INPP5A: variants seen among roughly 807,000 people sequenced by gnomAD.
INPP5A encodes the protein inositol polyphosphate-5-phosphatase A.
INPP5A carries 14 observed loss-of-function variants against 65.2 expected under a neutral mutation model. The ratio of observed to expected loss-of-function variants is 0.21; its 90% CI spans 0.14 to 0.34. The LOEUF is 0.34. Among genes scored for constraint, INPP5A ranks in the 10% least tolerant of loss-of-function variants. The pLI, the probability that INPP5A is intolerant of heterozygous loss-of-function variation, is 1.00. For missense variants in INPP5A, 431 were observed against 545.6 expected (o/e 0.79, Z 2.09); for synonymous variants, 207 against 208.3 (o/e 0.99, Z 0.05).
intron 9 of INPP5A, among the ~76,000 whole-genome samples, chr10:132,728,109 G>A (rs1846017133): frequency 6.6e-6 from 1 of 152,206 alleles, no homozygotes; most frequent in Non-Finnish European, 1.5e-5. Context: ...CCCACCGCAT[G>A]CCTGTGTATC....
At chr10:132,714,914 TAAA>T (rs1248517968) in intron 8 of INPP5A, among the ~76,000 whole-genome samples, 1 of 152,244 alleles carries the variant, frequency 6.6e-6, no homozygotes, top group Non-Finnish European at 1.5e-5. Context: ...ATGAGAAGTT[TAAA>T]AAGAAGACAA....
In INPP5A at chr10:132,782,176, C is replaced by G; in HGVS notation, c.*147C>G. The G allele has an allele frequency of 1.5e-6, 2 of 1,343,964 alleles. No homozygotes were observed. Among genetic ancestry groups the G allele is most frequent in the Non-Finnish European group, 1.0e-6 (1 of 972,050 alleles). The allele number at this position is 1,343,964 out of a possible 1,614,324, so 83.3% of individuals were successfully genotyped here. A position where few individuals can be genotyped will look rare whatever the true frequency, so the allele number is the denominator to read the frequency against. On this transcript the variant is annotated 3_prime_UTR_variant, in exon 16 of 16. Transcript: ENST00000368594. This position sits in a 1 kb window ranked among gnomAD's most constrained non-coding sequence, Gnocchi z 4.4. The stretch of plus-strand genomic sequence containing the variant: ...GGCCAGCCCCACACTTCGCTTCAGC[C>G]TCCGGACCATTCCGGAGCAGCCTCA...
chr10:132,752,084 G>A, intron 11 of INPP5A, among the ~76,000 whole-genome samples: 1 of 151,006 alleles, frequency 6.6e-6, no homozygotes, highest in Non-Finnish European at 1.5e-5. Context: ...GGAGGCGGGT[G>A]CCCAGGAGGT....
Position 132,575,886 on chromosome 10 carries a change from C to G in INPP5A, c.76-32029C>G, listed in dbSNP as rs1416751598. The stretch of plus-strand genomic sequence containing the variant: ...GCTTCTCACACTCCCTGCCAAAGGA[C>G]CTGCTTGATGCCACTGACATCGCGG... On this transcript the variant is annotated intron_variant, in intron 1 of 15. Transcript: ENST00000368594. This position sits in a 1 kb window ranked among gnomAD's most constrained non-coding sequence, Gnocchi z 5.4. Among the ~76,000 whole-genome samples the G allele has an allele frequency of 6.6e-6, 1 of 152,186 alleles. No individual in the cohort carries two copies. The highest frequency in any genetic ancestry group is 2.4e-5 in the African/African-American group (1 of 41,438).
chr10:132,596,935 G>GCATGTGTGCGCGTGTGCGCA (rs1554932705), intron 1 of INPP5A, among the ~76,000 whole-genome samples: 2 of 26,106 alleles, frequency 7.7e-5, no homozygotes, highest in Non-Finnish European at 1.0e-4. Flanking sequence ...GCATGTGCAC[G>GCATGTGTGCGCGTGTGCGCA]CATGTGTGCG....
At chr10:132,749,096 C>T (rs868347050) in intron 9 of INPP5A, among the ~76,000 whole-genome samples, 3 of 152,244 alleles carry the variant, frequency 2.0e-5, no homozygotes, top group East Asian at 1.9e-4. Context: ...AGCCCTTGCC[C>T]GTTGTCACAG....
rs1252883714 is a variant in INPP5A, at chr10:132,676,942, C to T, written c.307-13450C>T. Among the ~76,000 whole-genome samples, 1 of 152,198 alleles carries T rather than the reference C, an allele frequency of 6.6e-6. No homozygotes were observed. Among genetic ancestry groups the T allele is most frequent in the Non-Finnish European group, 1.5e-5 (1 of 68,032 alleles). On this transcript the variant is annotated intron_variant, in intron 4 of 15. Coordinates refer to ENST00000368594, the MANE Select transcript of INPP5A (RefSeq NM_005539.5). This position sits in a 1 kb window ranked among gnomAD's most constrained non-coding sequence, Gnocchi z 4.0. ...CCCCCACCGTCACCCAGGCATCTGT[C>T]CTCAACTGCAGACCCACAGGTATTC...
At chr10:132,652,208 A>G (rs1459868512) in intron 4 of INPP5A, among the ~76,000 whole-genome samples, 1 of 152,236 alleles carries the variant, frequency 6.6e-6, no homozygotes, top group Non-Finnish European at 1.5e-5. Flanking sequence ...GAAAAACACC[A>G]CTGGGGGAGC....
chr10:132,628,211 C>G (rs2072213673), intron 2 of INPP5A, among the ~76,000 whole-genome samples: 1 of 152,190 alleles, frequency 6.6e-6, no homozygotes, highest in South Asian at 2.1e-4. Context: ...TCAGTAAGGG[C>G]CGGCATGGCT....
At chr10:132,744,982 C>G (rs1846343130) in intron 9 of INPP5A, among the ~76,000 whole-genome samples, 1 of 152,158 alleles carries the variant, frequency 6.6e-6, no homozygotes, top group African/African-American at 2.4e-5. Flanking sequence ...GCTTGCGAGG[C>G]CCGGGCTGCC....
intron 9 of INPP5A, among the ~76,000 whole-genome samples, chr10:132,746,476 T>C (rs7071784): frequency 0.22 from 32,980 of 152,088 alleles, 3,794 homozygotes; most frequent in Non-Finnish European, 0.27. Context: ...TCCGAATGAC[T>C]GCGTTATTTC....
chr10:132,681,203 C>G (rs968089581), intron 4 of INPP5A, among the ~76,000 whole-genome samples: 48 of 152,022 alleles, frequency 3.2e-4, no homozygotes, highest in Non-Finnish European at 6.3e-4. Flanking sequence ...ACAGACCACT[C>G]GGCTCTACCA....
chr10:132,589,165 A>G (rs77158642), intron 1 of INPP5A, among the ~76,000 whole-genome samples: 2,306 of 152,308 alleles, frequency 0.015, 33 homozygotes, highest in South Asian at 0.039. Flanking sequence ...CGCCACGTGC[A>G]GGGTTCCTGC....
chr10:132,631,765 C>T (rs1459095982), intron 2 of INPP5A, among the ~76,000 whole-genome samples: 1 of 152,244 alleles, frequency 6.6e-6, no homozygotes, highest in Non-Finnish European at 1.5e-5. Context: ...CTTTTTCTTG[C>T]CATGCCTTTC....
intron 8 of INPP5A, among the ~76,000 whole-genome samples, chr10:132,721,353 T>C (rs1285544928): frequency 9.0e-6 from 1 of 110,624 alleles, no homozygotes; most frequent in East Asian, 3.1e-4. Flanking sequence ...CCTGGATTCT[T>C]TCTGGGGGCG....
Position 132,547,874 on chromosome 10 carries a change from A to G in INPP5A, c.75+9703A>G, listed in dbSNP as rs1323212177. 2.6e-5 allele frequency among the ~76,000 whole-genome samples: 4 copies of G among 151,514 alleles called. No homozygotes were observed. The highest frequency in any genetic ancestry group is 9.7e-5 in the African/African-American group (4 of 41,254). On this transcript the variant is annotated intron_variant, in intron 1 of 15. Transcript: ENST00000368594. This position sits in a 1 kb window ranked among gnomAD's most constrained non-coding sequence, Gnocchi z 5.5. ...CTCAGGTGTGCTGGCCTTTGGCAGC[A>G]GCGTCTGGGGTGGGGACCATGGTGT...
At chr10:132,585,291 C>T (rs2071533204) in intron 1 of INPP5A, among the ~76,000 whole-genome samples, 1 of 152,214 alleles carries the variant, frequency 6.6e-6, no homozygotes, top group South Asian at 2.1e-4. Context: ...GTAGTCCTCC[C>T]TCATCCATGG....
At chr10:132,641,623 C>T (rs930348358) in intron 2 of INPP5A, among the ~76,000 whole-genome samples, 32 of 152,204 alleles carry the variant, frequency 2.1e-4, no homozygotes, top group Admixed American at 1.1e-3. Flanking sequence ...AGCACAGCTT[C>T]GCAAGGGCCC....
rs2072362163 is a variant in INPP5A at position 132,637,044 on chromosome 10, A to T, written c.118-8824A>T. On this transcript the variant is annotated intron_variant, in intron 2 of 15. Transcript: ENST00000368594. This position sits in a 1 kb window ranked among gnomAD's most constrained non-coding sequence, Gnocchi z 4.1. ...GCGATTCTCCTGCCTCAGCCTCCCA[A>T]GTAGGTAGGACTACAAGCGTGCGCC... 6.6e-6 allele frequency among the ~76,000 whole-genome samples: 1 copy of T among 152,134 alleles called. No individual in the cohort carries two copies.
Sources: gnomAD v4.1 joint callset for allele counts (sites outside exome capture counted in the v4.1 genomes callset) on GRCh38, gnomAD v4.1.1 for gene constraint, Gnocchi (gnomAD v3.1) non-coding constraint, MANE v1.5 for transcripts, NCBI Gene and HGNC (gene_info 2026-07-23, HGNC 2026-07-21) for gene names.